The following OR14I1 variants were observed in gnomAD, a reference collection of about 807,000 sequenced individuals.
OR14I1 encodes olfactory receptor 14I1.
For synonymous variants in OR14I1, 118 were observed against 71.1 expected (o/e 1.66, Z -3.32); for missense variants, 279 against 181.8 (o/e 1.53, Z -3.07).
chr1:248,701,754 T>C, the OR14I1 span, among the ~76,000 whole-genome samples: 1 of 152,134 alleles, frequency 6.6e-6, no homozygotes, highest in Non-Finnish European at 1.5e-5. Context: ...TGGCCTTCAT[T>C]CCCCTTGCTC....
chr1:248,699,871 C>T, the OR14I1 span, among the ~76,000 whole-genome samples: 77 of 152,302 alleles, frequency 5.1e-4, no homozygotes, highest in African/African-American at 1.8e-3. Context: ...AATTCTCCTG[C>T]CTCAGCCTCC....
chr1:248,683,691 A>C (rs951396846), upstream of OR14I1, among the ~76,000 whole-genome samples: 6 of 152,260 alleles, frequency 3.9e-5, no homozygotes, highest in African/African-American at 1.4e-4. Context: ...TAAATGATAC[A>C]GTCACTTTGA....
chr1:248,688,968 G>A, the OR14I1 span, among the ~76,000 whole-genome samples: 42 of 152,238 alleles, frequency 2.8e-4, 2 homozygotes, highest in South Asian at 4.6e-3. Context: ...TGTAGCCCTT[G>A]GGGGCTTTCT....
At chr1:248,686,849 C>G (rs968327219), upstream of OR14I1, among the ~76,000 whole-genome samples, 1 of 152,196 alleles carries the variant, frequency 6.6e-6, no homozygotes, top group African/African-American at 2.4e-5. Flanking sequence ...AAGTTTTCCT[C>G]TGTGTCTCAC....
the OR14I1 span, among the ~76,000 whole-genome samples, chr1:248,701,527 A>G: frequency 6.6e-6 from 1 of 152,218 alleles, no homozygotes; most frequent in South Asian, 2.1e-4. Context: ...TAAAAACTAT[A>G]AAAACATTAA....
At chr1:248,700,568 T>A in the OR14I1 span, among the ~76,000 whole-genome samples, 1 of 152,216 alleles carries the variant, frequency 6.6e-6, no homozygotes, top group Admixed American at 6.5e-5. Context: ...AAGAAAAAAA[T>A]TCCAACTAAA....
At chr1:248,681,840 G>A (rs769530303) in exon 1 of OR14I1, 21 of 780,890 alleles carry the variant, frequency 2.7e-5, no homozygotes, top group Non-Finnish European at 4.3e-5. Context: ...CAGTGTGGAC[G>A]GCTGCGTAGG....
the OR14I1 span, among the ~76,000 whole-genome samples, chr1:248,693,432 G>A: frequency 1.3e-5 from 2 of 152,144 alleles, no homozygotes; most frequent in Admixed American, 1.3e-4. Context: ...CCATACTGGT[G>A]GACCAGCATC....
upstream of OR14I1, among the ~76,000 whole-genome samples, chr1:248,683,066 G>A (rs892229011): frequency 1.8e-4 from 28 of 152,106 alleles, no homozygotes; most frequent in South Asian, 1.0e-3. Flanking sequence ...AAAATATGCC[G>A]TTATTATTCT....
chr1:248,702,374 A>T, the OR14I1 span, among the ~76,000 whole-genome samples: 1 of 152,146 alleles, frequency 6.6e-6, no homozygotes, highest in Non-Finnish European at 1.5e-5. Flanking sequence ...GCCAAAACAA[A>T]GGGACTACAC....
At chr1:248,688,806 A>G in the OR14I1 span, among the ~76,000 whole-genome samples, 2 of 152,186 alleles carry the variant, frequency 1.3e-5, no homozygotes, top group African/African-American at 4.8e-5. Context: ...GCAGGATTAA[A>G]GAGAGAAAAC....
chr1:248,682,874 AC>A (rs1437637999), upstream of OR14I1, among the ~76,000 whole-genome samples: 2 of 152,138 alleles, frequency 1.3e-5, no homozygotes, highest in Admixed American at 6.5e-5. Flanking sequence ...TGATTTTAAA[AC>A]CATTGATAAT....
chr1:248,681,845 C>A, exon 1 of OR14I1: 1 of 780,986 alleles, frequency 1.3e-6, no homozygotes, highest in Non-Finnish European at 2.4e-6. Context: ...TGGACGGCTG[C>A]GTAGGAAAAG....
At chr1:248,696,325 CT>C in the OR14I1 span, among the ~76,000 whole-genome samples, 1 of 152,162 alleles carries the variant, frequency 6.6e-6, no homozygotes. Context: ...TCCCCTTGCT[CT>C]TAATTTTCCA....
the OR14I1 span, among the ~76,000 whole-genome samples, chr1:248,702,425 C>G: frequency 2.6e-5 from 4 of 151,946 alleles, no homozygotes; most frequent in Non-Finnish European, 2.9e-5. Flanking sequence ...AGAAGAAATT[C>G]TATCTATTTA....
chr1:248,680,040 T>C (rs1209245574), downstream of OR14I1, among the ~76,000 whole-genome samples: 2 of 152,206 alleles, frequency 1.3e-5, no homozygotes, highest in African/African-American at 4.8e-5. Flanking sequence ...TAAAATTTTA[T>C]ATAAAATAGT....
upstream of OR14I1, among the ~76,000 whole-genome samples, chr1:248,684,849 G>A (rs942739630): frequency 2.7e-4 from 10 of 37,228 alleles, no homozygotes; most frequent in Non-Finnish European, 3.2e-4. Context: ...ATGGGGTAGC[G>A]GAGGGAAAAA....
At chr1:248,697,745 T>G in the OR14I1 span, among the ~76,000 whole-genome samples, 10 of 152,216 alleles carry the variant, frequency 6.6e-5, no homozygotes, top group Admixed American at 6.5e-4. Context: ...ATTGCTCCAC[T>G]GCACTCCAGC....
the OR14I1 span, among the ~76,000 whole-genome samples, chr1:248,695,056 G>T: frequency 6.6e-6 from 1 of 152,060 alleles, no homozygotes; most frequent in Non-Finnish European, 1.5e-5. Flanking sequence ...GCAGAGTAGG[G>T]TATGAAAGAG....
Sources: allele counts gnomAD v4.1 joint callset (sites outside exome capture counted in the v4.1 genomes callset), GRCh38; gene constraint gnomAD v4.1.1; transcripts MANE v1.5; gene names NCBI Gene and HGNC (gene_info 2026-07-23, HGNC 2026-07-21).